DLGAP3: variants seen among roughly 807,000 people sequenced by gnomAD.
The protein encoded by DLGAP3 is DLG associated protein 3, also known as disks large-associated protein 3.
DLGAP3 carries 17 observed loss-of-function variants against 81.2 expected under a neutral mutation model. The observed-to-expected ratio is 0.21, with a 90% confidence interval of 0.14 to 0.31. The LOEUF is 0.31. Ranked by LOEUF, DLGAP3 falls within the 10% of genes least tolerant of loss-of-function variation. The pLI is 1.00. For missense variants in DLGAP3, 1,124 were observed against 1,388.0 expected (o/e 0.81, Z 3.02); for synonymous variants, 577 against 587.4 (o/e 0.98, Z 0.26).
intron 5 of DLGAP3, among the ~76,000 whole-genome samples, chr1:34,897,734 C>A (rs1316499768): frequency 1.3e-5 from 2 of 152,170 alleles, no homozygotes; most frequent in Non-Finnish European, 2.9e-5. Context: ...AGACCAACTA[C>A]AAGGCAGTGC....
At chr1:34,921,370 C>T (rs985331261) in intron 1 of DLGAP3, among the ~76,000 whole-genome samples, 3 of 152,200 alleles carry the variant, frequency 2.0e-5, no homozygotes, top group African/African-American at 7.2e-5. Flanking sequence ...CACAGTTGCT[C>T]ACCTGGTAAG....
At chr1:34,924,707 T>C (rs185443945) in intron 1 of DLGAP3, among the ~76,000 whole-genome samples, 65 of 152,242 alleles carry the variant, frequency 4.3e-4, no homozygotes, top group African/African-American at 1.5e-3. Context: ...AGGCACAATA[T>C]CATTCTCCAA....
At chr1:34,866,940 GC>G in intron 11 of DLGAP3, 107 bp downstream of exon 11, 1 of 1,315,362 alleles carries the variant, frequency 7.6e-7, no homozygotes. Flanking sequence ...TGCCCTTGCT[GC>G]CCATGGATCC....
At position 34,873,266 on chromosome 1, in the gene DLGAP3, C is replaced by T. The variant is rs901726079; in HGVS notation, c.2001-4177G>A. On this transcript the variant is annotated intron_variant, in intron 8 of 11. Coordinates refer to ENST00000373347, the MANE Select transcript of DLGAP3 (RefSeq NM_001080418.3). This position sits in a 1 kb window ranked among gnomAD's most constrained non-coding sequence, Gnocchi z 4.2. ...GGCTTGGAAGTGGACAGAAGTCCCA[C>T]CAGTTGACCCCAATCATCACAATGA... Among the ~76,000 whole-genome samples the T allele has an allele frequency of 6.6e-6, 1 of 152,124 alleles. No homozygotes were observed.
chr1:34,919,255 G>A (rs1411257200), intron 1 of DLGAP3, among the ~76,000 whole-genome samples: 2 of 152,162 alleles, frequency 1.3e-5, no homozygotes, highest in Non-Finnish European at 2.9e-5. Context: ...TGTCAAAGAG[G>A]ATCTTAGGCC....
rs561095105 is a variant in DLGAP3, at chr1:34,868,416, C to T, written c.2485+189G>A. Among the ~76,000 whole-genome samples, 1 of 152,312 alleles carries T rather than the reference C, an allele frequency of 6.6e-6. No homozygotes were observed. Among genetic ancestry groups the T allele is most frequent in the East Asian group, 1.9e-4 (1 of 5,176 alleles). ...AAGCTGCACCATGTGCACCCTGCTCCCTTTCAAGAGCTCCCAGCATGTCTT... is the reference window on the plus strand; with the variant it reads ...AAGCTGCACCATGTGCACCCTGCTCTCTTTCAAGAGCTCCCAGCATGTCTT... On this transcript the variant is annotated intron_variant, in intron 9 of 11. Transcript: ENST00000373347. The surrounding 1 kb of genome is among the most constrained non-coding windows in gnomAD (Gnocchi z 7.5).
chr1:34,867,695 C>T lies in DLGAP3; in HGVS notation c.2486-68G>A. 7.6e-7 allele frequency: 1 copy of T among 1,309,666 alleles called. No homozygotes were observed. The highest frequency in any genetic ancestry group is 1.1e-6 in the Non-Finnish European group (1 of 907,802). 81.1% of individuals were successfully genotyped at this position (1,309,666 alleles called of 1,614,324 possible). ...CCTTCCCCAGCCTCCACGAAGTCTGCCCTGAATGACGCTGACCCCTCGGTT... is the reference window on the plus strand; with the variant it reads ...CCTTCCCCAGCCTCCACGAAGTCTGTCCTGAATGACGCTGACCCCTCGGTT... On this transcript the variant is annotated intron_variant, in intron 9 of 11. Transcript: ENST00000373347. The surrounding 1 kb of genome is among the most constrained non-coding windows in gnomAD (Gnocchi z 4.3).
At position 34,899,761 on chromosome 1, in the gene DLGAP3, C is replaced by T. The variant is rs371994209; in HGVS notation, c.1314-20G>A. On this transcript the variant is annotated intron_variant, in intron 4 of 11. Transcript: ENST00000373347. ...CAGCAGCTGGAAAAGGGCAAAATTCCGGAGTCAGAACAGTGGACTGCTAGG... is the reference window on the plus strand; with the variant it reads ...CAGCAGCTGGAAAAGGGCAAAATTCTGGAGTCAGAACAGTGGACTGCTAGG... 50 of 1,611,732 alleles carry T rather than the reference C, an allele frequency of 3.1e-5. 1 individual carries two copies. In the East Asian group the frequency reaches 3.8e-4, roughly 12 times the overall value.
Position 34,868,890 on chromosome 1 carries a change from G to C in DLGAP3, c.2200C>G (p.Gln734Glu). The C allele has an allele frequency of 6.2e-7, 1 of 1,602,822 alleles. No individual in the cohort carries two copies. The highest frequency in any genetic ancestry group is 8.5e-7 in the Non-Finnish European group (1 of 1,178,192). ...TYSVFRTVHT[Q>E]GQWAYREGYP... ...CCCTCGCGGTAGGCCCACTGGCCCT[G>C]CGTGTGGACCGTGCGGAAGACTGAG... Residue 734 changes from glutamine to glutamate, a missense_variant, in exon 9 of 12, where the codon CAG becomes GAG. This residue lies in a region of DLGAP3 where 379 missense variants were observed against 455.7 expected (regional missense o/e 0.83). Coordinates refer to ENST00000373347, the MANE Select transcript of DLGAP3 (RefSeq NM_001080418.3). This position sits in a 1 kb window ranked among gnomAD's most constrained non-coding sequence, Gnocchi z 7.5.
chr1:34,891,706 C>G (rs1208130151), intron 5 of DLGAP3, among the ~76,000 whole-genome samples: 1 of 152,222 alleles, frequency 6.6e-6, no homozygotes, highest in Non-Finnish European at 1.5e-5. Context: ...GACACAAAGT[C>G]TAACTAGCTT....
At chr1:34,888,276 G>C (rs528545214) in intron 5 of DLGAP3, among the ~76,000 whole-genome samples, 5 of 152,260 alleles carry the variant, frequency 3.3e-5, no homozygotes, top group Admixed American at 1.3e-4. Context: ...ACTTCAAATA[G>C]AGCCATTTCT....
rs747836592 is a variant in DLGAP3 at position 34,904,916 on chromosome 1, C to T, written c.468G>A (p.Thr156=). 6.6e-5 allele frequency: 106 copies of T among 1,611,760 alleles called. No homozygotes were observed. Among genetic ancestry groups the T allele is most frequent in the Non-Finnish European group, 7.5e-5 (89 of 1,179,926 alleles). ...AGAGPGPAPG[T]GTAPEPRSES... is the part of the protein sequence containing the mutation. ...CACTGCGGGGCTCTGGGGCAGTGCC[C>T]GTCCCTGGCGCTGGCCCGGGCCCTG... is the stretch of plus-strand genomic sequence containing the variant. The change falls in exon 3 of 12, where the codon ACG becomes ACA. Residue 156 remains threonine (T), a synonymous_variant. Transcript: ENST00000373347. The surrounding 1 kb of genome is among the most constrained non-coding windows in gnomAD (Gnocchi z 8.1).
intron 1 of DLGAP3, among the ~76,000 whole-genome samples, chr1:34,907,827 G>A (rs868120311): frequency 6.6e-6 from 1 of 152,124 alleles, no homozygotes; most frequent in Non-Finnish European, 1.5e-5. Flanking sequence ...CCCTGTCCTC[G>A]AGGGGTTTAT....
In DLGAP3 at chr1:34,904,503, C is replaced by A. The variant is rs868322976; in HGVS notation, c.881G>T (p.Gly294Val). 1.9e-6 allele frequency: 3 copies of A among 1,614,188 alleles called. No homozygotes were observed. Among genetic ancestry groups the A allele is most frequent in the Non-Finnish European group, 2.5e-6 (3 of 1,180,024 alleles). The change falls in exon 3 of 12, where the codon GGG becomes GTG. Residue 294 changes from glycine to valine, a missense_variant. Physicochemically the swap from Gly to Val is moderately radical, Grantham distance 109. Coordinates refer to ENST00000373347, the MANE Select transcript of DLGAP3 (RefSeq NM_001080418.3). This position sits in a 1 kb window ranked among gnomAD's most constrained non-coding sequence, Gnocchi z 8.1. ...GGPFCLEGPD[G>V]SYRDLSFKGR... ...CTTGAAGCTCAAGTCCCGGTAGGACCCATCTGGACCCTCCAGGCAGAAGGG... is the reference window on the plus strand; with the variant it reads ...CTTGAAGCTCAAGTCCCGGTAGGACACATCTGGACCCTCCAGGCAGAAGGG...
chr1:34,905,482 C>A, intron 2 of DLGAP3, 48 bp from the exon 3 acceptor site: 3 of 1,307,868 alleles, frequency 2.3e-6, no homozygotes, highest in Non-Finnish European at 3.1e-6. Flanking sequence ...GCCCTCTTCA[C>A]CTAAAACCAT....
intron 8 of DLGAP3, among the ~76,000 whole-genome samples, chr1:34,872,541 C>T (rs544756556): frequency 6.6e-6 from 1 of 152,328 alleles, no homozygotes; most frequent in East Asian, 1.9e-4. Flanking sequence ...TCCACATCCT[C>T]ATCCCCAGAA....
At chr1:34,883,544 C>T (rs930801359) in intron 8 of DLGAP3, among the ~76,000 whole-genome samples, 10 of 152,214 alleles carry the variant, frequency 6.6e-5, no homozygotes, top group Non-Finnish European at 1.5e-4. Flanking sequence ...CCATCCATGA[C>T]TCCTACCCCA....
At chr1:34,926,687 A>C (rs975221470) in intron 1 of DLGAP3, among the ~76,000 whole-genome samples, 1 of 152,040 alleles carries the variant, frequency 6.6e-6, no homozygotes, top group Non-Finnish European at 1.5e-5. Context: ...ACCCCCAAAA[A>C]ACTAAAAAAC....
intron 1 of DLGAP3, among the ~76,000 whole-genome samples, chr1:34,911,025 C>A (rs1034273320): frequency 8.3e-6 from 1 of 120,980 alleles, no homozygotes; most frequent in South Asian, 2.8e-4. Flanking sequence ...ATTATCCACC[C>A]CCCCCCCACC....
Sources: gnomAD v4.1 joint callset for allele counts (sites outside exome capture counted in the v4.1 genomes callset) on GRCh38, gnomAD v4.1.1 for gene constraint, gnomAD v4.1.1 regional missense constraint, Gnocchi (gnomAD v3.1) non-coding constraint, MANE v1.5 for transcripts, NCBI Gene and HGNC (gene_info 2026-07-23, HGNC 2026-07-21) for gene names.